Variants in MYO5A observed in about 807,000 individuals in gnomAD.
The protein encoded by MYO5A is unconventional myosin-Va.
MYO5A carries 98 observed loss-of-function variants against 249.7 expected under a neutral mutation model. That is an observed-to-expected ratio of 0.39 (90% CI 0.33 to 0.46). The LOEUF is 0.46. MYO5A is among the 20% of genes least tolerant of loss of function. The pLI is 0.98. For synonymous variants in MYO5A, 778 were observed against 810.6 expected (o/e 0.96, Z 0.68); for missense variants, 1,696 against 2,308.8 (o/e 0.73, Z 5.44).
chr15:52,482,634 C>A (rs34113113), intron 1 of MYO5A, among the ~76,000 whole-genome samples: 1 of 152,024 alleles, frequency 6.6e-6, no homozygotes, highest in Non-Finnish European at 1.5e-5. Flanking sequence ...ACATTAATTT[C>A]CTGTTCATAA....
chr15:52,442,287 G>A (rs1384452733), intron 1 of MYO5A, among the ~76,000 whole-genome samples: 2 of 152,292 alleles, frequency 1.3e-5, no homozygotes, highest in East Asian at 3.9e-4. Flanking sequence ...GAGCAGCAAG[G>A]AGGGGGACAG....
chr15:52,427,964 G>A (rs1345588525), intron 3 of MYO5A, among the ~76,000 whole-genome samples: 1 of 152,152 alleles, frequency 6.6e-6, no homozygotes, highest in Non-Finnish European at 1.5e-5. Context: ...CAGGCAAGCA[G>A]GAGTGAGCAA....
intron 1 of MYO5A, among the ~76,000 whole-genome samples, chr15:52,496,740 A>G (rs2141561896): frequency 2.0e-5 from 3 of 152,340 alleles, no homozygotes; most frequent in Middle Eastern, 6.8e-3. Context: ...TGGACTATTG[A>G]TGACTCAACA....
chr15:52,519,799 C>T (rs902067677), intron 1 of MYO5A, among the ~76,000 whole-genome samples: 3 of 151,832 alleles, frequency 2.0e-5, no homozygotes. Flanking sequence ...GGCACGATCT[C>T]AACTCACTGG....
chr15:52,399,799 T>A (rs2414149), intron 9 of MYO5A, among the ~76,000 whole-genome samples: 143,573 of 152,218 alleles, frequency 0.94, 68,276 homozygotes, highest in East Asian at 1. Context: ...GCCAATTGGT[T>A]GTTTTTTTCA....
intron 1 of MYO5A, among the ~76,000 whole-genome samples, chr15:52,501,261 G>A (rs936440814): frequency 5.3e-5 from 8 of 151,938 alleles, no homozygotes; most frequent in South Asian, 2.1e-4. Context: ...GTGAGCCACC[G>A]CGCCCAGCCA....
At chr15:52,478,755 GGA>G (rs1463786325) in intron 1 of MYO5A, among the ~76,000 whole-genome samples, 1 of 152,150 alleles carries the variant, frequency 6.6e-6, no homozygotes, top group Non-Finnish European at 1.5e-5. Flanking sequence ...GCAATGTACT[GGA>G]GAGACAAACT....
chr15:52,425,959 GC>G lies in MYO5A; in HGVS notation c.325del (p.Ala109LeufsTer2). The G allele has an allele frequency of 6.2e-7, 1 of 1,612,866 alleles. No homozygotes were observed. The highest frequency in any genetic ancestry group is 8.5e-7 in the Non-Finnish European group (1 of 1,178,986). ...IYTYCGIVLVAINPYEQLPIY... is the reference protein window; with the variant it reads ...IYTYCGIVLVXINPYEQLPIY... Reference sequence around the variant, plus strand: ...AGGCAGCTGTTCATAGGGATTTATAGCTACTAGGACTATACCTGGGAATAGG... The same window carrying G: ...AGGCAGCTGTTCATAGGGATTTATAGTACTAGGACTATACCTGGGAATAGG... On this transcript the variant is annotated frameshift_variant, in exon 4 of 42. Coordinates refer to ENST00000399233, the MANE Select transcript of MYO5A (RefSeq NM_001382347.1). LOFTEE classifies it high-confidence loss of function.
At chr15:52,459,711 G>A (rs1406200579) in intron 1 of MYO5A, among the ~76,000 whole-genome samples, 2 of 152,158 alleles carry the variant, frequency 1.3e-5, no homozygotes, top group East Asian at 3.9e-4. Context: ...TGGCTGCCGG[G>A]CAGAGGGGCT....
chr15:52,337,266 A>G, intron 33 of MYO5A, among the ~76,000 whole-genome samples: 1 of 152,212 alleles, frequency 6.6e-6, no homozygotes, highest in East Asian at 1.9e-4. Flanking sequence ...AGGAAGGTAA[A>G]AAAAAGTCCA....
At chr15:52,477,546 C>G (rs1180126561) in intron 1 of MYO5A, among the ~76,000 whole-genome samples, 1 of 152,178 alleles carries the variant, frequency 6.6e-6, no homozygotes, top group East Asian at 1.9e-4. Context: ...GTGGTTTTAT[C>G]TACCTTTGGT....
rs925522815 is a variant in MYO5A, at chr15:52,312,420, T to C, written c.*1276A>G. 1 of 152,172 alleles carries C rather than the reference T, an allele frequency of 6.6e-6. No homozygotes were observed. The highest frequency in any genetic ancestry group is 2.4e-5 in the African/African-American group (1 of 41,434). 9.4% of individuals were successfully genotyped at this position (152,172 alleles called of 1,614,324 possible). A position where few individuals can be genotyped will look rare whatever the true frequency, so the allele number is the denominator to read the frequency against. On this transcript the variant is annotated 3_prime_UTR_variant, in exon 42 of 42. Coordinates refer to ENST00000399233, the MANE Select transcript of MYO5A (RefSeq NM_001382347.1). ...CTCTGTCACCCAGGCTGGAGTGCAG[T>C]GGTTCGATCTCATTGCAATCTCCGC...
intron 36 of MYO5A, among the ~76,000 whole-genome samples, chr15:52,327,029 T>C (rs897010614): frequency 1.3e-5 from 2 of 152,206 alleles, no homozygotes; most frequent in African/African-American, 4.8e-5. Flanking sequence ...CCTCTCTGAT[T>C]AGCATCTGTG....
At chr15:52,485,211 T>A (rs1169562745) in intron 1 of MYO5A, among the ~76,000 whole-genome samples, 2 of 136,120 alleles carry the variant, frequency 1.5e-5, no homozygotes, top group African/African-American at 5.5e-5. Flanking sequence ...TAAAGATCTG[T>A]AAATGACAGA....
intron 6 of MYO5A, among the ~76,000 whole-genome samples, chr15:52,408,608 A>G (rs1217194031): frequency 1.3e-5 from 2 of 152,254 alleles, no homozygotes; most frequent in African/African-American, 4.8e-5. Flanking sequence ...TACATCTTCT[A>G]TATCATTTTA....
intron 1 of MYO5A, among the ~76,000 whole-genome samples, chr15:52,434,277 C>T (rs1236409364): frequency 2.0e-5 from 3 of 152,116 alleles, no homozygotes; most frequent in East Asian, 1.9e-4. Context: ...GGATTACAGT[C>T]ATGAGCCACC....
At chr15:52,402,650 G>C (rs1413473271) in intron 9 of MYO5A, among the ~76,000 whole-genome samples, 1 of 152,054 alleles carries the variant, frequency 6.6e-6, no homozygotes, top group Admixed American at 6.6e-5. Flanking sequence ...TTCGAGATCA[G>C]CCTGGCCAAC....
At chr15:52,503,912 C>T (rs1031315414) in intron 1 of MYO5A, among the ~76,000 whole-genome samples, 4 of 152,156 alleles carry the variant, frequency 2.6e-5, no homozygotes, top group Non-Finnish European at 4.4e-5. Context: ...AATGGGTTAG[C>T]ACATGATCGA....
intron 39 of MYO5A, 60 bp downstream of exon 39, chr15:52,319,000 A>T (rs1372958039): frequency 1.6e-5 from 26 of 1,593,820 alleles, no homozygotes; most frequent in Non-Finnish European, 1.8e-5. Flanking sequence ...GCTCTCCACA[A>T]CCCTGGCAGG....
Sources: allele counts gnomAD v4.1 joint callset (sites outside exome capture counted in the v4.1 genomes callset), GRCh38; gene constraint gnomAD v4.1.1; transcripts MANE v1.5; gene names NCBI Gene and HGNC (gene_info 2026-07-23, HGNC 2026-07-21).